Variants in CABCOCO1 observed in about 807,000 individuals in gnomAD.
CABCOCO1 encodes ciliary-associated calcium-binding coiled-coil protein 1.
In CABCOCO1, 28 loss-of-function variants were observed where a neutral mutation model predicts 35.7. The observed-to-expected ratio is 0.78, with a 90% CI of 0.58 to 1.07. The LOEUF (loss-of-function observed/expected upper bound fraction) is 1.07, where lower values mean the gene tolerates loss of function less well. Ranked by LOEUF, CABCOCO1 falls within the 50% of genes least tolerant of loss-of-function variation. The probability of loss-of-function intolerance (pLI) is 0.00; values close to 1 mark genes in which losing one functional copy is unlikely to be tolerated. For missense variants in CABCOCO1, 326 were observed against 309.2 expected (o/e 1.05, Z -0.41); for synonymous variants, 95 against 100.1 (o/e 0.95, Z 0.30).
intron 5 of CABCOCO1, among the ~76,000 whole-genome samples, chr10:61,700,719 A>G (rs1369211708): frequency 6.6e-6 from 1 of 152,082 alleles, no homozygotes; most frequent in Non-Finnish European, 1.5e-5. Context: ...TATAATGGGA[A>G]AAAACTGTAG....
chr10:61,710,360 G>C (rs1330444762), intron 5 of CABCOCO1, among the ~76,000 whole-genome samples: 1 of 151,706 alleles, frequency 6.6e-6, no homozygotes, highest in African/African-American at 2.4e-5. Context: ...GGAGCTCTTA[G>C]AGTTAACTGG....
rs759179967 is a variant in CABCOCO1 at position 61,686,189 on chromosome 10, T to C, written c.479+4T>C. The C allele has an allele frequency of 6.5e-7, 1 of 1,545,924 alleles. No individual in the cohort carries two copies. Among genetic ancestry groups the C allele is most frequent in the Admixed American group, 2.3e-5 (1 of 42,774 alleles). On this transcript the variant is annotated splice_donor_region_variant and intron_variant, in intron 4 of 7. Transcript: ENST00000648843. ...TCATTGATTACTTAAAAATCAGGTA[T>C]GGATTATTTTCAGTAACATTTATTT...
intron 5 of CABCOCO1, among the ~76,000 whole-genome samples, chr10:61,755,904 T>C (rs1288648154): frequency 6.6e-6 from 1 of 151,816 alleles, no homozygotes; most frequent in Non-Finnish European, 1.5e-5. Flanking sequence ...AGAAGCAGAG[T>C]CTAATTCCTA....
At chr10:61,737,770 C>T (rs759669103) in intron 5 of CABCOCO1, among the ~76,000 whole-genome samples, 11 of 151,958 alleles carry the variant, frequency 7.2e-5, no homozygotes, top group East Asian at 5.8e-4. Context: ...TTTATGAACA[C>T]GAAGGAGGAA....
intron 5 of CABCOCO1, among the ~76,000 whole-genome samples, chr10:61,710,753 G>A (rs1840715394): frequency 6.6e-6 from 1 of 151,824 alleles, no homozygotes; most frequent in Non-Finnish European, 1.5e-5. Flanking sequence ...CCCAATATTT[G>A]TGTTGCTCTT....
At chr10:61,755,994 G>A (rs1331250677) in intron 5 of CABCOCO1, among the ~76,000 whole-genome samples, 2 of 151,840 alleles carry the variant, frequency 1.3e-5, no homozygotes, top group East Asian at 1.9e-4. Context: ...TTCCCATGGC[G>A]GATGTCCATT....
intron 2 of CABCOCO1, among the ~76,000 whole-genome samples, chr10:61,680,478 A>ATATGTTATAGTATGT (rs1839693835): frequency 3.9e-5 from 1 of 25,484 alleles, no homozygotes; most frequent in Non-Finnish European, 9.5e-5. Flanking sequence ...ATATATATTT[A>ATATGTTATAGTATGT]TATATATAAC....
chr10:61,757,505 C>T (rs1461525182), intron 5 of CABCOCO1, among the ~76,000 whole-genome samples: 2 of 151,944 alleles, frequency 1.3e-5, no homozygotes, highest in East Asian at 3.8e-4. Context: ...AATTCTCACC[C>T]CCCAGTTTTT....
chr10:61,761,500 G>A (rs528760306), intron 7 of CABCOCO1, among the ~76,000 whole-genome samples: 6 of 152,172 alleles, frequency 3.9e-5, no homozygotes, highest in African/African-American at 4.8e-5. Flanking sequence ...GGCAGCAGCC[G>A]TATGAATAGC....
chr10:61,751,130 G>A (rs753140330), intron 5 of CABCOCO1, among the ~76,000 whole-genome samples: 11 of 152,118 alleles, frequency 7.2e-5, no homozygotes, highest in Non-Finnish European at 1.5e-4. Context: ...CCCAGCAGAG[G>A]GAGCAGCACA....
chr10:61,694,626 AT>A (rs1264346769), intron 5 of CABCOCO1, among the ~76,000 whole-genome samples: 1 of 151,982 alleles, frequency 6.6e-6, no homozygotes, highest in Non-Finnish European at 1.5e-5. Flanking sequence ...ATTGGACAAG[AT>A]TTTTTTAAGA....
rs558487401 is a variant in CABCOCO1, at chr10:61,766,638, C to A, written c.*625C>A. ...CTGTACTGTATTTGTTATTTCTAATCTTGTTACTCTCCCAGGAGAATACAT... is the reference window on the plus strand; with the variant it reads ...CTGTACTGTATTTGTTATTTCTAATATTGTTACTCTCCCAGGAGAATACAT... On this transcript the variant is annotated 3_prime_UTR_variant, in exon 8 of 8. Coordinates refer to ENST00000648843, the MANE Select transcript of CABCOCO1 (RefSeq NM_001366906.2). 2 of 151,486 alleles carry A rather than the reference C, an allele frequency of 1.3e-5. No individual in the cohort carries two copies. Among genetic ancestry groups the A allele is most frequent in the African/African-American group, 4.8e-5 (2 of 41,262 alleles). 9.4% of individuals were successfully genotyped at this position (151,486 alleles called of 1,614,324 possible).
chr10:61,728,486 T>C (rs903906971), intron 5 of CABCOCO1, among the ~76,000 whole-genome samples: 2 of 152,204 alleles, frequency 1.3e-5, no homozygotes, highest in Non-Finnish European at 2.9e-5. Context: ...TCAATAGAAT[T>C]CTTCTTGACA....
intron 5 of CABCOCO1, among the ~76,000 whole-genome samples, chr10:61,714,748 T>C (rs1230283613): frequency 6.6e-6 from 1 of 152,208 alleles, no homozygotes; most frequent in Non-Finnish European, 1.5e-5. Context: ...CATCTTTATT[T>C]CTGCCTTCAT....
chr10:61,712,975 C>T (rs528214534), intron 5 of CABCOCO1, among the ~76,000 whole-genome samples: 4 of 152,186 alleles, frequency 2.6e-5, no homozygotes, highest in African/African-American at 9.6e-5. Context: ...CTTAGGATTG[C>T]CTTGGCAATG....
chr10:61,734,595 TG>T (rs1841374791), intron 5 of CABCOCO1, among the ~76,000 whole-genome samples: 1 of 152,018 alleles, frequency 6.6e-6, no homozygotes, highest in Non-Finnish European at 1.5e-5. Context: ...AGAAACACAA[TG>T]GATTTTTATC....
intron 5 of CABCOCO1, among the ~76,000 whole-genome samples, chr10:61,722,333 A>T (rs1841042579): frequency 6.6e-6 from 1 of 152,214 alleles, no homozygotes; most frequent in African/African-American, 2.4e-5. Flanking sequence ...CAAACCATAT[A>T]TATAAAGAAA....
At chr10:61,764,229 G>A (rs1158957917) in intron 7 of CABCOCO1, among the ~76,000 whole-genome samples, 2 of 152,062 alleles carry the variant, frequency 1.3e-5, no homozygotes, top group African/African-American at 2.4e-5. Context: ...GGGAAGAATC[G>A]ATTGTTTGAG....
intron 5 of CABCOCO1, among the ~76,000 whole-genome samples, chr10:61,705,622 G>T (rs1475966859): frequency 6.6e-6 from 1 of 152,164 alleles, no homozygotes; most frequent in Non-Finnish European, 1.5e-5. Context: ...TTACCCTAAA[G>T]AGGTATATTA....
Sources: gnomAD v4.1 joint callset for allele counts (sites outside exome capture counted in the v4.1 genomes callset) on GRCh38, gnomAD v4.1.1 for gene constraint, MANE v1.5 for transcripts, NCBI Gene and HGNC (gene_info 2026-07-23, HGNC 2026-07-21) for gene names.